Variants in OSBPL10 observed in about 807,000 individuals in gnomAD.
The protein encoded by OSBPL10 is oxysterol binding protein like 10.
A neutral mutation model predicts 81.7 loss-of-function variants in OSBPL10; 49 were observed. The observed-to-expected ratio is 0.60, with a 90% confidence interval of 0.48 to 0.76. OSBPL10 has a LOEUF of 0.76. OSBPL10 is among the 30% of genes least tolerant of loss of function. The pLI, the probability that OSBPL10 is intolerant of heterozygous loss-of-function variation, is 0.00. For synonymous variants in OSBPL10, 419 were observed against 383.6 expected (o/e 1.09, Z -1.08); for missense variants, 923 against 987.8 (o/e 0.93, Z 0.88).
At chr3:31,782,602 CAAAT>C (rs1461833151) in intron 4 of OSBPL10, among the ~76,000 whole-genome samples, 9 of 152,156 alleles carry the variant, frequency 5.9e-5, no homozygotes, top group Non-Finnish European at 5.9e-5. Context: ...CAAGAAAAAA[CAAAT>C]AATCCCATCA....
At chr3:32,060,987 A>AAAAG (rs1553652293) in intron 1 of OSBPL10, among the ~76,000 whole-genome samples, 1 of 77,500 alleles carries the variant, frequency 1.3e-5, no homozygotes, top group African/African-American at 3.2e-5. Context: ...AAAAAAAAAA[A>AAAAG]AACCCTCAGA....
At chr3:31,966,397 A>C (rs1357061789) in intron 1 of OSBPL10, among the ~76,000 whole-genome samples, 2 of 151,838 alleles carry the variant, frequency 1.3e-5, no homozygotes, top group African/African-American at 4.8e-5. Context: ...TGCCTTAGGA[A>C]ACTAAAAAAC....
chr3:31,993,681 T>TACACACACACAC (rs139678560), intron 2 of OSBPL10, among the ~76,000 whole-genome samples: 3 of 147,216 alleles, frequency 2.0e-5, no homozygotes, highest in African/African-American at 5.0e-5. Flanking sequence ...TACACACACA[T>TACACACACACAC]ACACACACAC....
intron 4 of OSBPL10, among the ~76,000 whole-genome samples, chr3:31,797,273 G>A (rs1347160887): frequency 1.3e-5 from 2 of 152,144 alleles, no homozygotes; most frequent in South Asian, 2.1e-4. Context: ...GATTACAGGC[G>A]TGAGCCACTG....
chr3:31,666,537 C>T (rs939451067), intron 10 of OSBPL10, among the ~76,000 whole-genome samples: 1 of 152,148 alleles, frequency 6.6e-6, no homozygotes, highest in Non-Finnish European at 1.5e-5. Flanking sequence ...TGAGCAGCCA[C>T]GGAGACTGGA....
intron 2 of OSBPL10, among the ~76,000 whole-genome samples, chr3:32,023,208 G>A (rs1699374497): frequency 6.6e-6 from 1 of 152,090 alleles, no homozygotes; most frequent in Admixed American, 6.5e-5. Context: ...ATTCCCACGT[G>A]TCCTGGGAGG....
intron 2 of OSBPL10, chr3:32,030,289 C>T (rs1314738255): frequency 4.8e-6 from 2 of 413,170 alleles, no homozygotes; most frequent in Non-Finnish European, 9.3e-6. Flanking sequence ...CACGTGTATG[C>T]GAATCTATAA....
intron 1 of OSBPL10, among the ~76,000 whole-genome samples, chr3:31,914,529 C>T (rs184662821): frequency 6.6e-6 from 1 of 152,266 alleles, no homozygotes; most frequent in Non-Finnish European, 1.5e-5. Flanking sequence ...TTCCATGGAA[C>T]CCACTTTGGG....
intron 11 of OSBPL10, 139 bp from the exon 12 acceptor site, chr3:31,662,255 C>CCCT (rs1700087624): frequency 6.9e-7 from 1 of 1,455,240 alleles, no homozygotes; most frequent in African/African-American, 1.4e-5. Flanking sequence ...GCCTCAGTAC[C>CCCT]CCTCCTCAGC....
At chr3:32,071,849 C>G (rs912472585) in intron 1 of OSBPL10, among the ~76,000 whole-genome samples, 5 of 152,204 alleles carry the variant, frequency 3.3e-5, no homozygotes, top group African/African-American at 1.2e-4. Flanking sequence ...ACCCCCATAA[C>G]TGTATCTCTC....
chr3:31,988,875 A>G, intron 2 of OSBPL10: 1 of 640,880 alleles, frequency 1.6e-6, no homozygotes, highest in Non-Finnish European at 2.7e-6. Context: ...CTTGACTACA[A>G]CCCAGAGAGA....
chr3:31,674,033 G>A (rs1210261954), intron 8 of OSBPL10, among the ~76,000 whole-genome samples: 5 of 152,120 alleles, frequency 3.3e-5, no homozygotes, highest in African/African-American at 1.2e-4. Flanking sequence ...TGATCCTCCT[G>A]CCTCTGCCTC....
At chr3:31,991,653 A>AT (rs1394547235) in intron 2 of OSBPL10, 1 of 165,630 alleles carries the variant, frequency 6.0e-6, no homozygotes, top group East Asian at 1.9e-4. Context: ...TGACTCTGTG[A>AT]TTTTCTACAC....
chr3:31,766,321 G>GTTTT (rs372182366), intron 4 of OSBPL10, among the ~76,000 whole-genome samples: 3 of 68,592 alleles, frequency 4.4e-5, no homozygotes, highest in African/African-American at 1.3e-4. Flanking sequence ...GCCCAATGTA[G>GTTTT]TTTTTTTGTT....
At chr3:31,663,998 G>C in intron 11 of OSBPL10, 81 bp downstream of exon 11, 2 of 1,613,554 alleles carry the variant, frequency 1.2e-6, no homozygotes, top group South Asian at 1.1e-5. Flanking sequence ...CAGTCTTGGG[G>C]GCTCAGCAAG....
intron 1 of OSBPL10, among the ~76,000 whole-genome samples, chr3:32,070,225 C>T (rs565415770): frequency 2.6e-5 from 4 of 152,128 alleles, no homozygotes; most frequent in African/African-American, 9.7e-5. Context: ...GCCTGTTTTC[C>T]TTGCCCCCAT....
intron 4 of OSBPL10, among the ~76,000 whole-genome samples, chr3:31,782,434 A>T (rs1239730152): frequency 6.6e-6 from 1 of 152,220 alleles, no homozygotes; most frequent in Admixed American, 6.5e-5. Context: ...CAAAAAGATA[A>T]ATAGATGGAA....
At chr3:31,784,404 G>A (rs1431198730) in intron 4 of OSBPL10, among the ~76,000 whole-genome samples, 1 of 149,998 alleles carries the variant, frequency 6.7e-6, no homozygotes, top group Non-Finnish European at 1.5e-5. Context: ...AAAGGAAAAA[G>A]GAAAAGGAAA....
chr3:31,846,066 G>A (rs1294434378), intron 3 of OSBPL10, among the ~76,000 whole-genome samples: 1 of 152,216 alleles, frequency 6.6e-6, no homozygotes, highest in Non-Finnish European at 1.5e-5. Flanking sequence ...AGGATGAAGT[G>A]CAGCGGCACC....
Sources: gnomAD v4.1 joint callset for allele counts (sites outside exome capture counted in the v4.1 genomes callset) on GRCh38, gnomAD v4.1.1 for gene constraint, MANE v1.5 for transcripts, NCBI Gene and HGNC (gene_info 2026-07-23, HGNC 2026-07-21) for gene names.